The following VPS50 variants were observed in gnomAD, a reference collection of about 807,000 sequenced individuals.
VPS50 encodes syndetin.
VPS50 carries 70 observed loss-of-function variants against 139.7 expected under a neutral mutation model. The ratio of observed to expected loss-of-function variants is 0.50; its 90% CI spans 0.41 to 0.61. The LOEUF (loss-of-function observed/expected upper bound fraction) is 0.61, where lower values mean the gene tolerates loss of function less well. VPS50 is among the 20% of genes least tolerant of loss of function. VPS50 has a pLI of 0.00. For synonymous variants in VPS50, 365 were observed against 376.7 expected (o/e 0.97, Z 0.36); for missense variants, 921 against 1,133.7 (o/e 0.81, Z 2.69).
At chr7:93,297,868 T>A (rs1160663725) in intron 16 of VPS50, among the ~76,000 whole-genome samples, 1 of 152,192 alleles carries the variant, frequency 6.6e-6, no homozygotes, top group Non-Finnish European at 1.5e-5. Context: ...AGATTTCTCT[T>A]GATATAAGCT....
At chr7:93,276,443 A>G in intron 12 of VPS50, 138 bp downstream of exon 12, 3 of 1,294,998 alleles carry the variant, frequency 2.3e-6, no homozygotes, top group Non-Finnish European at 3.0e-6. Flanking sequence ...TTTTCTCCCA[A>G]GTTGTTCTTT....
chr7:93,295,958 C>T (rs1303704726), intron 14 of VPS50, among the ~76,000 whole-genome samples: 4 of 151,954 alleles, frequency 2.6e-5, no homozygotes, highest in African/African-American at 9.7e-5. Context: ...ACTCCTGGGC[C>T]CAAGTGATAT....
chr7:93,347,668 C>T lies in VPS50; in HGVS notation c.2208-1043C>T, dbSNP rs545876872. 5.9e-3 allele frequency among the ~76,000 whole-genome samples: 871 copies of T among 148,070 alleles called. 11 individuals are homozygous for T. The highest frequency in any genetic ancestry group is 0.022 in the African/African-American group (843 of 39,106). ...GCCATAAAAAATGATGAGTTCATGT[C>T]CTTTGTAGGGACATGGATGAAATTG... is the stretch of plus-strand genomic sequence containing the variant. On this transcript the variant is annotated intron_variant, in intron 23 of 27. Transcript: ENST00000305866.
At chr7:93,274,155 G>A (rs978044975) in intron 11 of VPS50, among the ~76,000 whole-genome samples, 1 of 152,056 alleles carries the variant, frequency 6.6e-6, no homozygotes, top group African/African-American at 2.4e-5. Context: ...GTGGCTTTAT[G>A]TCTCTCACTT....
intron 9 of VPS50, among the ~76,000 whole-genome samples, chr7:93,264,660 G>A (rs1257058453): frequency 1.3e-5 from 2 of 152,144 alleles, no homozygotes; most frequent in African/African-American, 4.8e-5. Context: ...AAAATTGTAG[G>A]TTGTAGAATG....
At chr7:93,286,191 A>G (rs1178256550) in intron 12 of VPS50, among the ~76,000 whole-genome samples, 1 of 151,460 alleles carries the variant, frequency 6.6e-6, no homozygotes, top group African/African-American at 2.5e-5. Context: ...TTTCTTATCT[A>G]TTCTTAAAAA....
chr7:93,308,686 G>A (rs1037952990), intron 18 of VPS50, 138 bp from the exon 19 acceptor site: 11 of 428,856 alleles, frequency 2.6e-5, no homozygotes, highest in Non-Finnish European at 4.7e-5. Context: ...TAGATTCTTG[G>A]TGACAACATT....
At chr7:93,309,496 T>A (rs1797205720) in intron 19 of VPS50, among the ~76,000 whole-genome samples, 2 of 151,950 alleles carry the variant, frequency 1.3e-5, no homozygotes, top group Non-Finnish European at 2.9e-5. Flanking sequence ...ATAAAATCAA[T>A]CCTGCCTTTG....
intron 23 of VPS50, among the ~76,000 whole-genome samples, 157 bp downstream of exon 23, chr7:93,341,732 T>C (rs890059333): frequency 2.0e-5 from 3 of 152,340 alleles, no homozygotes; most frequent in African/African-American, 2.4e-5. Flanking sequence ...AGATTACCAA[T>C]TGATTTTTTA....
At chr7:93,280,423 C>G (rs1796290050) in intron 12 of VPS50, among the ~76,000 whole-genome samples, 1 of 151,970 alleles carries the variant, frequency 6.6e-6, no homozygotes, top group Admixed American at 6.6e-5. Context: ...CATCATACTT[C>G]ATTTCTGGAA....
At chr7:93,318,880 T>G (rs764282034) in intron 20 of VPS50, among the ~76,000 whole-genome samples, 7 of 152,110 alleles carry the variant, frequency 4.6e-5, no homozygotes, top group Non-Finnish European at 1.0e-4. Flanking sequence ...TTAAAATAAT[T>G]TCTTTGAAAA....
intron 16 of VPS50, among the ~76,000 whole-genome samples, chr7:93,298,593 T>C (rs1381584996): frequency 6.6e-6 from 1 of 152,210 alleles, no homozygotes; most frequent in Non-Finnish European, 1.5e-5. Context: ...GAGACACTGA[T>C]TTATTTAGTA....
intron 19 of VPS50, among the ~76,000 whole-genome samples, chr7:93,310,172 C>T (rs1797226939): frequency 6.6e-6 from 1 of 151,910 alleles, no homozygotes; most frequent in Non-Finnish European, 1.5e-5. Flanking sequence ...ATAGTGTCTG[C>T]CAGTACATGT....
chr7:93,257,656 T>C (rs1390026893), intron 6 of VPS50, 192 bp downstream of exon 6: 3 of 414,682 alleles, frequency 7.2e-6, no homozygotes, highest in East Asian at 3.9e-5. Flanking sequence ...AGTGTACTTA[T>C]GGGTTTTAAA....
At chr7:93,303,890 A>G (rs954347162) in intron 17 of VPS50, among the ~76,000 whole-genome samples, 1 of 151,824 alleles carries the variant, frequency 6.6e-6, no homozygotes, top group Non-Finnish European at 1.5e-5. Context: ...AATTAGCTAT[A>G]TTTTGGCATA....
intron 11 of VPS50, among the ~76,000 whole-genome samples, chr7:93,274,744 G>A (rs969593367): frequency 1.3e-5 from 2 of 152,150 alleles, no homozygotes; most frequent in Admixed American, 1.3e-4. Flanking sequence ...AGGTACCATA[G>A]ATAGTGATTA....
chr7:93,250,107 C>T lies in VPS50; in HGVS notation c.103-2546C>T, dbSNP rs149255602. On this transcript the variant is annotated intron_variant, in intron 2 of 27. Coordinates refer to ENST00000305866, the MANE Select transcript of VPS50 (RefSeq NM_017667.4). ...TCTCGGTGTATTTTATGAGTTAGCA[C>T]AGAAGAGGGATTTTCTTTTCCAAGC... Among the ~76,000 whole-genome samples, 3 of 151,920 alleles carry T rather than the reference C, an allele frequency of 2.0e-5. No individual in the cohort carries two copies. In the East Asian group the frequency reaches 5.8e-4, roughly 29 times the overall value.
chr7:93,293,439 TCCTTATTA>T (rs1297469522), intron 13 of VPS50, among the ~76,000 whole-genome samples: 1 of 152,174 alleles, frequency 6.6e-6, no homozygotes, highest in African/African-American at 2.4e-5. Context: ...CTCTATCTGA[TCCTTATTA>T]CTCAACCCTC....
chr7:93,249,217 A>G (rs1291410656), intron 2 of VPS50, among the ~76,000 whole-genome samples: 1 of 152,140 alleles, frequency 6.6e-6, no homozygotes, highest in African/African-American at 2.4e-5. Flanking sequence ...TGAAATGTAC[A>G]CTTGTGAGAT....
Sources: allele counts gnomAD v4.1 joint callset (sites outside exome capture counted in the v4.1 genomes callset), GRCh38; gene constraint gnomAD v4.1.1; transcripts MANE v1.5; gene names NCBI Gene and HGNC (gene_info 2026-07-23, HGNC 2026-07-21).